The following IMMP1L variants were observed in gnomAD, a reference collection of about 807,000 sequenced individuals.
IMMP1L encodes inner mitochondrial membrane peptidase subunit 1, also known as mitochondrial inner membrane protease subunit 1.
In IMMP1L, 24 loss-of-function variants were observed where a neutral mutation model predicts 21.8. The ratio of observed to expected loss-of-function variants is 1.10; its 90% CI spans 0.80 to 1.55. The LOEUF (loss-of-function observed/expected upper bound fraction) is 1.55. Ranked by LOEUF, IMMP1L falls within the 40% of genes most tolerant of loss-of-function variation. The pLI, the probability that IMMP1L is intolerant of heterozygous loss-of-function variation, is 0.00. For synonymous variants in IMMP1L, 46 were observed against 62.8 expected (o/e 0.73, Z 1.26); for missense variants, 195 against 200.7 (o/e 0.97, Z 0.17).
intron 1 of IMMP1L, chr11:31,469,859 C>T (rs75328627): frequency 8.1e-4 from 123 of 152,108 alleles, no homozygotes; most frequent in African/African-American, 2.9e-3. Context: ...TTCAAAGAAA[C>T]AATTTTGTCT....
chr11:31,445,291 CA>C (rs1409840181), intron 4 of IMMP1L, among the ~76,000 whole-genome samples: 1 of 152,070 alleles, frequency 6.6e-6, no homozygotes, highest in Non-Finnish European at 1.5e-5. Context: ...ATGTTTCCAC[CA>C]AAAGTTTTAT....
chr11:31,447,547 A>T (rs945183645), intron 4 of IMMP1L, among the ~76,000 whole-genome samples: 10 of 152,234 alleles, frequency 6.6e-5, no homozygotes, highest in African/African-American at 2.4e-4. Context: ...ATTACCTATA[A>T]TTGTAAGTAC....
At chr11:31,506,541 T>C (rs1051430378) in intron 1 of IMMP1L, among the ~76,000 whole-genome samples, 1 of 151,950 alleles carries the variant, frequency 6.6e-6, no homozygotes, top group African/African-American at 2.4e-5. Context: ...ACATATAACT[T>C]TTAACTCTTC....
intron 2 of IMMP1L, among the ~76,000 whole-genome samples, chr11:31,462,693 C>A (rs1365861802): frequency 6.6e-6 from 1 of 152,096 alleles, no homozygotes; most frequent in Non-Finnish European, 1.5e-5. Context: ...GAAAACTGGA[C>A]AAATATGTGT....
At chr11:31,473,473 C>G (rs1447371845) in intron 1 of IMMP1L, among the ~76,000 whole-genome samples, 1 of 152,136 alleles carries the variant, frequency 6.6e-6, no homozygotes, top group African/African-American at 2.4e-5. Context: ...GGTCTAACAT[C>G]CAATACTACA....
chr11:31,472,951 C>T (rs563301231), intron 1 of IMMP1L, among the ~76,000 whole-genome samples: 5 of 152,248 alleles, frequency 3.3e-5, no homozygotes, highest in South Asian at 2.1e-4. Flanking sequence ...CTGCAATCTC[C>T]GCCTCCCAGG....
At chr11:31,456,460 C>CTT in intron 3 of IMMP1L, 74 bp from the exon 4 acceptor site, 2 of 1,169,656 alleles carry the variant, frequency 1.7e-6, no homozygotes, top group Non-Finnish European at 2.5e-6. Flanking sequence ...TGCTTTAATA[C>CTT]TTTTATAAGA....
chr11:31,461,280 A>G (rs1954130272), intron 2 of IMMP1L, among the ~76,000 whole-genome samples: 1 of 152,168 alleles, frequency 6.6e-6, no homozygotes, highest in South Asian at 2.1e-4. Context: ...AAATACTAGC[A>G]TGATGAGATG....
chr11:31,450,107 T>C (rs1008293391), intron 4 of IMMP1L, among the ~76,000 whole-genome samples: 3 of 152,162 alleles, frequency 2.0e-5, no homozygotes, highest in African/African-American at 7.2e-5. Context: ...GAAGGAGAAA[T>C]TTATAAACTT....
At chr11:31,491,863 T>A (rs1358182752) in intron 1 of IMMP1L, among the ~76,000 whole-genome samples, 1 of 152,178 alleles carries the variant, frequency 6.6e-6, no homozygotes, top group African/African-American at 2.4e-5. Context: ...TAGACATACA[T>A]GGGAGACCCA....
chr11:31,436,937 G>A lies in IMMP1L; in HGVS notation c.322-3367C>T, dbSNP rs80268265. On this transcript the variant is annotated intron_variant, in intron 4 of 5. Coordinates refer to ENST00000532287, the MANE Select transcript of IMMP1L (RefSeq NM_001304274.2). ...GAAATCCATACATGTTAATGACCAT[G>A]CATCCATTTACAGTAAAGGGATTGC... The A allele has an allele frequency of 6.9e-3, 1,280 of 185,658 alleles. 14 individuals are homozygous for A. Among genetic ancestry groups the A allele is most frequent in the African/African-American group, 0.028 (1,184 of 42,884 alleles). 11.5% of individuals were successfully genotyped at this position (185,658 alleles called of 1,614,324 possible). A position where few individuals can be genotyped will look rare whatever the true frequency, so the allele number is the denominator to read the frequency against.
chr11:31,467,705 C>T (rs1389183226), intron 1 of IMMP1L, among the ~76,000 whole-genome samples: 1 of 151,326 alleles, frequency 6.6e-6, no homozygotes, highest in Non-Finnish European at 1.5e-5. Context: ...AGACAAGGGC[C>T]ACTGATGCAT....
At chr11:31,448,988 T>G in intron 4 of IMMP1L, 1 of 985,388 alleles carries the variant, frequency 1.0e-6, no homozygotes. Flanking sequence ...ACATATTTCC[T>G]CCATATCAGC....
At chr11:31,439,971 C>T (rs935218866) in intron 4 of IMMP1L, among the ~76,000 whole-genome samples, 1 of 152,154 alleles carries the variant, frequency 6.6e-6, no homozygotes, top group African/African-American at 2.4e-5. Context: ...TTAAGTTTCA[C>T]CATAAGCAGG....
At chr11:31,475,452 C>T (rs1255543504) in intron 1 of IMMP1L, among the ~76,000 whole-genome samples, 1 of 152,174 alleles carries the variant, frequency 6.6e-6, no homozygotes, top group Non-Finnish European at 1.5e-5. Context: ...AGAGATCAGC[C>T]TCCAACTCCT....
chr11:31,477,623 A>G (rs962261827), intron 1 of IMMP1L: 4 of 839,894 alleles, frequency 4.8e-6, no homozygotes, highest in Non-Finnish European at 5.7e-6. Context: ...TGCCAGTTAT[A>G]GCGCCAGGTG....
intron 4 of IMMP1L, among the ~76,000 whole-genome samples, chr11:31,443,419 C>CATT (rs1953406595): frequency 6.6e-6 from 1 of 152,112 alleles, no homozygotes; most frequent in Admixed American, 6.5e-5. Context: ...GGTGAGAAAA[C>CATT]ATTAATTTTT....
intron 1 of IMMP1L, among the ~76,000 whole-genome samples, chr11:31,478,948 C>A (rs1396776863): frequency 6.6e-6 from 1 of 151,918 alleles, no homozygotes; most frequent in African/African-American, 2.4e-5. Flanking sequence ...ATGTACAGAA[C>A]ATTTTAAATG....
At chr11:31,453,460 C>T (rs1299111440) in intron 4 of IMMP1L, among the ~76,000 whole-genome samples, 3 of 152,082 alleles carry the variant, frequency 2.0e-5, no homozygotes, top group Admixed American at 6.5e-5. Context: ...TCATAAACAA[C>T]AATGATTTTT....
Sources: gnomAD v4.1 joint callset for allele counts (sites outside exome capture counted in the v4.1 genomes callset) on GRCh38, gnomAD v4.1.1 for gene constraint, MANE v1.5 for transcripts, NCBI Gene and HGNC (gene_info 2026-07-23, HGNC 2026-07-21) for gene names.